Variants in MKLN1 observed in about 807,000 individuals in gnomAD.
MKLN1 encodes the protein muskelin 1, also known as muskelin.
A neutral mutation model predicts 99.0 loss-of-function variants in MKLN1; 18 were observed. The ratio of observed to expected loss-of-function variants is 0.18; its 90% CI spans 0.13 to 0.27. The LOEUF (loss-of-function observed/expected upper bound fraction) is 0.27, where lower values mean the gene tolerates loss of function less well. Ranked by LOEUF, MKLN1 falls within the 10% of genes least tolerant of loss-of-function variation. The pLI is 1.00. For missense variants in MKLN1, 621 were observed against 875.9 expected, an observed-to-expected ratio of 0.71 and a Z score of 3.67; for synonymous variants, 288 against 293.2, an observed-to-expected ratio of 0.98 and a Z score of 0.18.
Position 131,443,593 on chromosome 7 carries a change from T to A in MKLN1, c.1286T>A (p.Phe429Tyr), listed in dbSNP as rs1309164406. 26 of 1,614,052 alleles carry A rather than the reference T, an allele frequency of 1.6e-5. No individual in the cohort carries two copies. Among genetic ancestry groups the A allele is most frequent in the Middle Eastern group, 1.6e-4 (1 of 6,084 alleles). ...RASEPQFSGL[F>Y]AFNCQCQTWK... The stretch of plus-strand genomic sequence containing the variant: ...AGTGAACCACAATTCAGTGGCTTGT[T>A]TGCTTTCAACTGTCAATGTCAAACC... Residue 429 changes from phenylalanine (F) to tyrosine (Y), a missense_variant, in exon 11 of 18, where the codon TTT (phenylalanine) becomes TAT (tyrosine). Phe to Tyr is a conservative substitution (Grantham distance 22, BLOSUM62 3). Coordinates refer to ENST00000352689, the MANE Select transcript of MKLN1 (RefSeq NM_013255.5).
intron 1 of MKLN1, among the ~76,000 whole-genome samples, chr7:131,357,714 A>G (rs191401828): frequency 1.1e-4 from 16 of 151,876 alleles, no homozygotes; most frequent in African/African-American, 3.6e-4. Flanking sequence ...AACTTCCATC[A>G]TTTTTGTTTT....
intron 3 of MKLN1, among the ~76,000 whole-genome samples, chr7:131,234,503 G>A (rs542229208): frequency 1.3e-5 from 2 of 152,282 alleles, no homozygotes; most frequent in East Asian, 3.9e-4. Context: ...GTACACTCCA[G>A]AGGACTCGTG....
At chr7:131,321,255 A>AG in intron 3 of MKLN1, among the ~76,000 whole-genome samples, 1 of 103,024 alleles carries the variant, frequency 9.7e-6, no homozygotes, top group Non-Finnish European at 2.3e-5. Flanking sequence ...AGCTATAAAA[A>AG]AAGAGTTCAT....
At chr7:131,170,604 C>T (rs566406505) in intron 2 of MKLN1, among the ~76,000 whole-genome samples, 2 of 152,304 alleles carry the variant, frequency 1.3e-5, no homozygotes, top group East Asian at 3.9e-4. Context: ...TCCCTCACAA[C>T]CTTTTCCCAC....
At chr7:131,220,798 G>A (rs193294944) in intron 3 of MKLN1, among the ~76,000 whole-genome samples, 12 of 152,268 alleles carry the variant, frequency 7.9e-5, no homozygotes, top group Non-Finnish European at 4.4e-5. Flanking sequence ...ATCCCGTCTG[G>A]AGGAACAGAG....
intron 12 of MKLN1, among the ~76,000 whole-genome samples, chr7:131,462,738 G>C (rs916657998): frequency 4.6e-5 from 7 of 152,138 alleles, no homozygotes; most frequent in African/African-American, 1.7e-4. Flanking sequence ...ATATATAATT[G>C]TTTATTGTTT....
At chr7:131,440,698 A>G (rs551816143) in intron 10 of MKLN1, among the ~76,000 whole-genome samples, 5 of 138,422 alleles carry the variant, frequency 3.6e-5, no homozygotes, top group South Asian at 2.3e-4. Flanking sequence ...CAGGGAAGGT[A>G]GGCAGAGGAG....
upstream of MKLN1, chr7:131,324,281 C>G (rs991729022): frequency 6.6e-6 from 1 of 152,202 alleles, no homozygotes; most frequent in Non-Finnish European, 1.5e-5. Flanking sequence ...GGTCCAAATT[C>G]CGGAGAACTC....
chr7:131,442,113 T>C (rs1191945145), intron 10 of MKLN1, among the ~76,000 whole-genome samples: 2 of 152,264 alleles, frequency 1.3e-5, no homozygotes, highest in African/African-American at 4.8e-5. Flanking sequence ...CCTTGGGGAA[T>C]AGATTTTCAT....
chr7:131,148,672 C>CTGAAGTGGAAGTGAAG (rs1795847918), intron 2 of MKLN1, among the ~76,000 whole-genome samples: 1 of 152,050 alleles, frequency 6.6e-6, no homozygotes, highest in African/African-American at 2.4e-5. Context: ...ACTTGGGAGG[C>CTGAAGTGGAAGTGAAG]TGAAGTGGAA....
chr7:131,457,958 T>C (rs1214238550), intron 12 of MKLN1, among the ~76,000 whole-genome samples: 1 of 152,120 alleles, frequency 6.6e-6, no homozygotes, highest in Non-Finnish European at 1.5e-5. Context: ...ATAATGGAGA[T>C]ACATTTCTTA....
In MKLN1 at chr7:131,488,061, CTTTT is replaced by C. The variant is rs200839609; in HGVS notation, c.*340_*343del. On this transcript the variant is annotated 3_prime_UTR_variant, in exon 18 of 18. Coordinates refer to ENST00000352689, the MANE Select transcript of MKLN1 (RefSeq NM_013255.5). The stretch of plus-strand genomic sequence containing the variant: ...GTTTACCCTTTTCAGATTTTTATTT[CTTTT>C]TTTTTTAATTGGGGGAAATAAGCAC... 1.4e-5 allele frequency: 2 copies of C among 146,614 alleles called. No individual in the cohort carries two copies. Among genetic ancestry groups the C allele is most frequent in the African/African-American group, 5.0e-5 (2 of 39,784 alleles). 9.1% of individuals were successfully genotyped at this position (146,614 alleles called of 1,614,324 possible). A position where few individuals can be genotyped will look rare whatever the true frequency, so the allele number is the denominator to read the frequency against.
intron 3 of MKLN1, among the ~76,000 whole-genome samples, chr7:131,281,143 G>A (rs1393749692): frequency 6.7e-6 from 1 of 150,160 alleles, no homozygotes; most frequent in Non-Finnish European, 1.5e-5. Context: ...ATTTACTCTT[G>A]TTTTCTGATA....
intron 1 of MKLN1, among the ~76,000 whole-genome samples, chr7:131,366,092 A>G (rs1800173982): frequency 1.3e-5 from 2 of 152,188 alleles, no homozygotes; most frequent in South Asian, 4.1e-4. Context: ...TTACAGCTGA[A>G]AGAAATTTGA....
At chr7:131,288,179 T>C (rs1042945402) in intron 3 of MKLN1, among the ~76,000 whole-genome samples, 3 of 152,006 alleles carry the variant, frequency 2.0e-5, no homozygotes, top group Non-Finnish European at 2.9e-5. Flanking sequence ...TGGCTTACTG[T>C]TGGGTTTGTC....
chr7:131,111,962 T>A (rs1795209438), intron 1 of MKLN1, among the ~76,000 whole-genome samples: 1 of 152,232 alleles, frequency 6.6e-6, no homozygotes, highest in Admixed American at 6.5e-5. Flanking sequence ...TCACTTTGTG[T>A]ACTAATTGTC....
chr7:131,273,869 G>C (rs1797923128), intron 3 of MKLN1, among the ~76,000 whole-genome samples: 1 of 152,070 alleles, frequency 6.6e-6, no homozygotes, highest in African/African-American at 2.4e-5. Context: ...GCCTCTCAAA[G>C]TGCTGGGATT....
chr7:131,300,045 T>C (rs977148338), intron 3 of MKLN1, among the ~76,000 whole-genome samples: 3 of 152,172 alleles, frequency 2.0e-5, no homozygotes, highest in African/African-American at 7.2e-5. Context: ...AAAGGGTTAA[T>C]AATTATAACT....
intron 3 of MKLN1, among the ~76,000 whole-genome samples, chr7:131,319,159 C>T (rs1294778621): frequency 1.3e-5 from 2 of 152,138 alleles, no homozygotes; most frequent in Non-Finnish European, 2.9e-5. Flanking sequence ...AAATTTCAGG[C>T]CAATATCCCT....
Sources: gnomAD v4.1 joint callset for allele counts (sites outside exome capture counted in the v4.1 genomes callset) on GRCh38, gnomAD v4.1.1 for gene constraint, MANE v1.5 for transcripts, NCBI Gene and HGNC (gene_info 2026-07-23, HGNC 2026-07-21) for gene names.